Variants in ABLIM1 observed in about 807,000 individuals in gnomAD.
ABLIM1 encodes actin-binding LIM protein 1.
In ABLIM1, 40 loss-of-function variants were observed where a neutral mutation model predicts 107.0. The observed-to-expected ratio is 0.37, with a 90% CI of 0.29 to 0.49. ABLIM1 has a LOEUF of 0.49. ABLIM1 is among the 20% of genes least tolerant of loss of function. The pLI is 0.97. For synonymous variants in ABLIM1, 357 were observed against 357.3 expected (o/e 1.00, Z 0.01); for missense variants, 857 against 1,008.5 (o/e 0.85, Z 2.04).
chr10:114,696,028 A>G (rs929840017), intron 1 of ABLIM1, among the ~76,000 whole-genome samples: 1 of 152,174 alleles, frequency 6.6e-6, no homozygotes, highest in Non-Finnish European at 1.5e-5. Context: ...TTTCCTCACT[A>G]GGTCTTTACC....
chr10:114,520,530 T>C (rs1220045459), intron 6 of ABLIM1, among the ~76,000 whole-genome samples: 6 of 152,058 alleles, frequency 3.9e-5, no homozygotes, highest in Non-Finnish European at 7.4e-5. Context: ...TTCCCAGGGC[T>C]GCCAATTGTA....
intron 6 of ABLIM1, among the ~76,000 whole-genome samples, chr10:114,519,080 G>C (rs985508863): frequency 3.3e-5 from 5 of 152,150 alleles, no homozygotes; most frequent in Admixed American, 1.3e-4. Flanking sequence ...GACTTTGAAA[G>C]ATAGCTTTGG....
chr10:114,630,472 A>C (rs564047059), intron 1 of ABLIM1, among the ~76,000 whole-genome samples: 5 of 152,326 alleles, frequency 3.3e-5, no homozygotes, highest in African/African-American at 1.2e-4. Context: ...CCCACTGAAA[A>C]ACCAAAGCTA....
chr10:114,455,199 T>A (rs1242038827), intron 12 of ABLIM1, among the ~76,000 whole-genome samples: 1 of 152,208 alleles, frequency 6.6e-6, no homozygotes, highest in Admixed American at 6.5e-5. Flanking sequence ...CAGTAAGATA[T>A]TCCAAATATG....
intron 1 of ABLIM1, chr10:114,690,387 T>C: frequency 6.2e-7 from 1 of 1,605,628 alleles, no homozygotes; most frequent in Non-Finnish European, 8.5e-7. Flanking sequence ...GAAGTTCTCA[T>C]CATCAAATTT....
At chr10:114,535,242 G>A (rs1313341048) in intron 6 of ABLIM1, among the ~76,000 whole-genome samples, 2 of 152,190 alleles carry the variant, frequency 1.3e-5, no homozygotes, top group African/African-American at 4.8e-5. Flanking sequence ...GTCCTGTGCA[G>A]TGGTAACCTC....
intron 6 of ABLIM1, among the ~76,000 whole-genome samples, chr10:114,506,984 G>A (rs567086705): frequency 6.6e-6 from 1 of 152,320 alleles, no homozygotes; most frequent in South Asian, 2.1e-4. Context: ...TCCTTTACAA[G>A]TTATTTCCAC....
At position 114,444,152 on chromosome 10, in the gene ABLIM1, G is replaced by GAAAAAAAA; in HGVS notation, c.1828-26_1828-19dup. On this transcript the variant is annotated intron_variant, in intron 16 of 22. Transcript: ENST00000533213. ...GAGTTAAGCTATTCACAGAAAAAAG[G>GAAAAAAAA]AAAAAAAAAAAAAAAAGAAAGCAAA... is the stretch of plus-strand genomic sequence containing the variant. 1.6e-6 allele frequency: 2 copies of GAAAAAAAA among 1,276,174 alleles called. No individual in the cohort carries two copies. Among genetic ancestry groups the GAAAAAAAA allele is most frequent in the Non-Finnish European group, 2.1e-6 (2 of 941,262 alleles). The allele number at this position is 1,276,174 out of a possible 1,614,324, so 79.1% of individuals were successfully genotyped here.
chr10:114,571,152 A>AATGTCATC, intron 4 of ABLIM1, 145 bp downstream of exon 4: 1 of 687,066 alleles, frequency 1.5e-6, no homozygotes, highest in South Asian at 1.9e-5. Flanking sequence ...TGGCCATTTT[A>AATGTCATC]ATGTCATCTT....
intron 6 of ABLIM1, among the ~76,000 whole-genome samples, chr10:114,514,232 G>A (rs1245995401): frequency 6.6e-6 from 1 of 151,846 alleles, no homozygotes; most frequent in Non-Finnish European, 1.5e-5. Context: ...AAGGGGAGCC[G>A]GAGATTGCGG....
chr10:114,688,953 GGAGGGGTTCTTATTATTGACGTCA>G (rs2081007967), upstream of ABLIM1, among the ~76,000 whole-genome samples: 1 of 152,170 alleles, frequency 6.6e-6, no homozygotes, highest in East Asian at 1.9e-4. Flanking sequence ...ATGTGTGCAG[GGAGGGGTTCTTATTATTGACGTCA>G]GAAGAATCAT....
At chr10:114,525,418 C>T (rs1363286658) in intron 6 of ABLIM1, among the ~76,000 whole-genome samples, 1 of 152,236 alleles carries the variant, frequency 6.6e-6, no homozygotes, top group African/African-American at 2.4e-5. Context: ...GGATTAGACT[C>T]ACTGACACAT....
In ABLIM1 at chr10:114,663,916, G is replaced by A. The variant is rs573037942; in HGVS notation, c.64+20374C>T. ...AGGTTCCCCACCGTGGCTCTCCCAG[G>A]AGGAAAAATGCAGAGAGAAGCGTTT... On this transcript the variant is annotated intron_variant, in intron 1 of 23. Coordinates refer to the ABLIM1 transcript ENST00000369256. Among the ~76,000 whole-genome samples, 145 of 152,312 alleles carry A rather than the reference G, an allele frequency of 9.5e-4. 1 individual carries two copies. Among genetic ancestry groups the A allele is most frequent in the Non-Finnish European group, 1.6e-3 (109 of 68,030 alleles).
At chr10:114,606,542 T>C (rs1367086584) in intron 1 of ABLIM1, among the ~76,000 whole-genome samples, 2 of 152,142 alleles carry the variant, frequency 1.3e-5, no homozygotes, top group Non-Finnish European at 2.9e-5. Context: ...CCCAGAGTAC[T>C]CTTAGTTACA....
chr10:114,667,638 C>T (rs1176984708), intron 1 of ABLIM1, among the ~76,000 whole-genome samples: 1 of 152,232 alleles, frequency 6.6e-6, no homozygotes, highest in African/African-American at 2.4e-5. Context: ...ATATAGAACA[C>T]TTCCAGAACT....
chr10:114,461,573 C>A (rs1008422830), intron 12 of ABLIM1, among the ~76,000 whole-genome samples: 11 of 152,068 alleles, frequency 7.2e-5, no homozygotes, highest in Admixed American at 7.2e-4. Context: ...AATCCCAGCA[C>A]GTTAGGAGGT....
intron 7 of ABLIM1, among the ~76,000 whole-genome samples, chr10:114,491,012 G>GTGTGTGTGTA: frequency 1.1e-5 from 1 of 92,396 alleles, no homozygotes; most frequent in African/African-American, 4.6e-5. Flanking sequence ...GTGTGTGTGT[G>GTGTGTGTGTA]TATATATATA....
intron 2 of ABLIM1, among the ~76,000 whole-genome samples, chr10:114,591,517 T>C (rs1258905000): frequency 2.0e-5 from 3 of 152,162 alleles, no homozygotes; most frequent in Admixed American, 6.6e-5. Context: ...AGCTGTTCTA[T>C]CTTTGTTATA....
intron 4 of ABLIM1, 56 bp from the exon 5 acceptor site, chr10:114,547,832 A>G (rs2067549948): frequency 2.5e-6 from 4 of 1,585,388 alleles, no homozygotes; most frequent in Non-Finnish European, 3.4e-6. Context: ...AAATCCAAGC[A>G]GGCAGCCCAA....
Sources: gnomAD v4.1 joint callset for allele counts (sites outside exome capture counted in the v4.1 genomes callset) on GRCh38, gnomAD v4.1.1 for gene constraint, MANE v1.5 for transcripts, NCBI Gene and HGNC (gene_info 2026-07-23, HGNC 2026-07-21) for gene names.